Variants in PKNOX2 observed in about 807,000 individuals in gnomAD.
The protein encoded by PKNOX2 is PBX/knotted 1 homeobox 2, also known as homeobox protein PKNOX2.
Under a neutral mutation model 53.1 loss-of-function variants are expected in PKNOX2, and 14 were observed. The ratio of observed to expected loss-of-function variants is 0.26; its 90% confidence interval spans 0.17 to 0.41. The LOEUF is 0.41. Among genes scored for constraint, PKNOX2 ranks in the 10% least tolerant of loss-of-function variants. The probability of loss-of-function intolerance (pLI) is 1.00; values close to 1 mark genes in which losing one functional copy is unlikely to be tolerated. For missense variants in PKNOX2, 496 were observed against 602.8 expected, an observed-to-expected ratio of 0.82 and a Z score of 1.85; for synonymous variants, 257 against 242.8, an observed-to-expected ratio of 1.06 and a Z score of -0.54.
chr11:125,248,874 C>T (rs958809485), intron 2 of PKNOX2, among the ~76,000 whole-genome samples: 3 of 130,956 alleles, frequency 2.3e-5, no homozygotes, highest in East Asian at 2.1e-4. Context: ...ATATATATAA[C>T]GTATATATAT....
intron 2 of PKNOX2, among the ~76,000 whole-genome samples, chr11:125,305,582 G>C (rs911278098): frequency 1.3e-5 from 2 of 152,154 alleles, no homozygotes; most frequent in African/African-American, 4.8e-5. Context: ...GCCACTCAGC[G>C]CACGGCACCC....
chr11:125,258,921 G>T, intron 2 of PKNOX2: 1 of 349,578 alleles, frequency 2.9e-6, no homozygotes, highest in Non-Finnish European at 5.8e-6. Context: ...AGCTCCAACA[G>T]TGACAGAAGC....
chr11:125,180,109 T>C (rs78261917), intron 1 of PKNOX2, among the ~76,000 whole-genome samples: 2,041 of 152,290 alleles, frequency 0.013, 55 homozygotes, highest in African/African-American at 0.046. Context: ...GTACTGGTCC[T>C]TCTGCCCGGA....
intron 1 of PKNOX2, among the ~76,000 whole-genome samples, chr11:125,224,864 C>A (rs139844365): frequency 6.6e-6 from 1 of 152,170 alleles, no homozygotes; most frequent in African/African-American, 2.4e-5. Context: ...TATTCAGGAC[C>A]GCCCCCCGGA....
chr11:125,367,405 A>G (rs1180625335), intron 4 of PKNOX2, among the ~76,000 whole-genome samples: 1 of 152,208 alleles, frequency 6.6e-6, no homozygotes, highest in East Asian at 1.9e-4. Context: ...GGCTTCCATT[A>G]AAGGGAATAA....
intron 2 of PKNOX2, chr11:125,239,861 A>G (rs1172013481): frequency 1.3e-5 from 2 of 152,242 alleles, no homozygotes; most frequent in African/African-American, 2.4e-5. Context: ...GAGCAGTGAC[A>G]GGGGCATTTA....
intron 1 of PKNOX2, among the ~76,000 whole-genome samples, chr11:125,170,112 G>T (rs1433162534): frequency 6.6e-6 from 1 of 152,166 alleles, no homozygotes; most frequent in Non-Finnish European, 1.5e-5. Context: ...TCTGCAGCTA[G>T]CCACGGCCTG....
chr11:125,208,955 A>G (rs940232391), intron 1 of PKNOX2, among the ~76,000 whole-genome samples: 3 of 152,022 alleles, frequency 2.0e-5, no homozygotes, highest in Non-Finnish European at 4.4e-5. Context: ...TTGTGGGGCC[A>G]GTATCCGGGT....
chr11:125,253,407 G>A (rs1406337474), intron 2 of PKNOX2, among the ~76,000 whole-genome samples: 1 of 152,110 alleles, frequency 6.6e-6, no homozygotes, highest in Non-Finnish European at 1.5e-5. Context: ...AGTCCTGCTG[G>A]CCAGAGCCTG....
At chr11:125,187,729 G>GCATC (rs1409739170) in intron 1 of PKNOX2, among the ~76,000 whole-genome samples, 6 of 152,050 alleles carry the variant, frequency 3.9e-5, no homozygotes, top group African/African-American at 1.4e-4. Context: ...GGTGAAAGAG[G>GCATC]CATCCTGTCT....
chr11:125,415,281 G>GTTGCCCAGGCTGGA (rs1158069953), intron 10 of PKNOX2, among the ~76,000 whole-genome samples: 29 of 113,608 alleles, frequency 2.6e-4, no homozygotes, highest in African/African-American at 9.4e-4. Flanking sequence ...GTCTCACTCT[G>GTTGCCCAGGCTGGA]TTGCCCAGGC....
In PKNOX2 at chr11:125,178,715, A is replaced by AG. The variant is rs1491571771; in HGVS notation, c.-201+13939_-201+13940insG. ...GAGAGAGAGAAAGAAAGAAAGAAAGAAAGAGAAAGGAAGGAAGAGAGAAAG... is the reference window on the plus strand; with the variant it reads ...GAGAGAGAGAAAGAAAGAAAGAAAGAGAAGAGAAAGGAAGGAAGAGAGAAAG... On this transcript the variant is annotated intron_variant, in intron 1 of 12. Transcript: ENST00000298282. 2.2e-4 allele frequency among the ~76,000 whole-genome samples: 29 copies of AG among 129,766 alleles called. 4 individuals are homozygous for AG. Among genetic ancestry groups the AG allele is most frequent in the African/African-American group, 8.6e-4 (25 of 29,002 alleles). The allele number at this position is 129,766 out of a possible 152,430, so 85.1% of individuals were successfully genotyped here.
intron 2 of PKNOX2, among the ~76,000 whole-genome samples, chr11:125,304,717 G>A (rs1948310898): frequency 6.6e-6 from 1 of 152,228 alleles, no homozygotes; most frequent in Non-Finnish European, 1.5e-5. Flanking sequence ...GGTCTGCACA[G>A]GATGCAGGTG....
At chr11:125,411,194 G>A in intron 9 of PKNOX2, 1 of 317,356 alleles carries the variant, frequency 3.2e-6, no homozygotes, top group South Asian at 3.7e-5. Context: ...GGAAGTCAGA[G>A]TCTGGGATCT....
chr11:125,223,126 T>C (rs541011659), intron 1 of PKNOX2, among the ~76,000 whole-genome samples: 23 of 152,300 alleles, frequency 1.5e-4, no homozygotes, highest in Non-Finnish European at 2.8e-4. Context: ...TGGAACATGA[T>C]TGAGCCTCAT....
Position 125,408,625 on chromosome 11 carries a change from G to T in PKNOX2, c.589-1571G>T, listed in dbSNP as rs868802053. Among the ~76,000 whole-genome samples, 7 of 152,336 alleles carry T rather than the reference G, an allele frequency of 4.6e-5. No homozygotes were observed. In the South Asian group the frequency reaches 1.0e-3, roughly 23 times the overall value. On this transcript the variant is annotated intron_variant, in intron 7 of 12. Transcript: ENST00000298282. ...AGTAAAAAAAGGCAGCTCTGGAGGA[G>T]ACGCCAAGGGGGATTTAATCAGCTG...
intron 2 of PKNOX2, among the ~76,000 whole-genome samples, chr11:125,243,951 C>G (rs1220236662): frequency 1.3e-5 from 2 of 152,190 alleles, no homozygotes; most frequent in African/African-American, 2.4e-5. Context: ...GCCTGCCTCT[C>G]TTACCAGTGT....
intron 1 of PKNOX2, among the ~76,000 whole-genome samples, chr11:125,187,523 C>G (rs1346534885): frequency 6.6e-6 from 1 of 152,146 alleles, no homozygotes; most frequent in Admixed American, 6.5e-5. Flanking sequence ...TATAGAAACA[C>G]AAACTGTATA....
intron 1 of PKNOX2, among the ~76,000 whole-genome samples, chr11:125,169,607 G>C (rs1382267265): frequency 1.3e-5 from 2 of 152,154 alleles, no homozygotes; most frequent in African/African-American, 4.8e-5. Flanking sequence ...CTGGGCCTTG[G>C]TTTCTTCATC....
Sources: gnomAD v4.1 joint callset for allele counts (sites outside exome capture counted in the v4.1 genomes callset) on GRCh38, gnomAD v4.1.1 for gene constraint, MANE v1.5 for transcripts, NCBI Gene and HGNC (gene_info 2026-07-23, HGNC 2026-07-21) for gene names.